ADAMTS18: variants seen among roughly 807,000 people sequenced by gnomAD.
ADAMTS18 encodes the protein ADAM metallopeptidase with thrombospondin type 1 motif 18, also known as A disintegrin and metalloproteinase with thrombospondin motifs 18.
In ADAMTS18, 157 loss-of-function variants were observed where a neutral mutation model predicts 165.9. The ratio of observed to expected loss-of-function variants is 0.95; its 90% CI spans 0.83 to 1.08. The LOEUF is 1.08. Ranked by LOEUF, ADAMTS18 falls within the 50% of genes least tolerant of loss-of-function variation. The pLI is 0.00. For synonymous variants in ADAMTS18, 782 were observed against 578.2 expected (o/e 1.35, Z -5.06); for missense variants, 2,040 against 1,534.0 (o/e 1.33, Z -5.51).
At chr16:77,355,024 T>A (rs2056607498) in intron 9 of ADAMTS18, among the ~76,000 whole-genome samples, 1 of 152,192 alleles carries the variant, frequency 6.6e-6, no homozygotes, top group Non-Finnish European at 1.5e-5. Context: ...TTTAATATGC[T>A]TTGTGTATAG....
intron 22 of ADAMTS18, among the ~76,000 whole-genome samples, chr16:77,288,848 G>T (rs918004259): frequency 2.0e-4 from 31 of 152,282 alleles, no homozygotes; most frequent in Non-Finnish European, 4.6e-4. Flanking sequence ...CATGTGGCTT[G>T]TGACAGTAAA....
intron 16 of ADAMTS18, among the ~76,000 whole-genome samples, chr16:77,319,275 A>C (rs1225624966): frequency 6.6e-6 from 1 of 152,156 alleles, no homozygotes; most frequent in Non-Finnish European, 1.5e-5. Context: ...TTCTTGCTAC[A>C]TTCTTTGGCG....
intron 20 of ADAMTS18, 86 bp from the exon 21 acceptor site, chr16:77,291,564 A>C (rs2055365636): frequency 1.5e-6 from 2 of 1,327,862 alleles, no homozygotes; most frequent in Non-Finnish European, 2.2e-6. Context: ...AGGTTGCACC[A>C]TCCACATGAA....
intron 2 of ADAMTS18, among the ~76,000 whole-genome samples, chr16:77,431,912 T>G (rs72801697): frequency 6.6e-6 from 1 of 152,142 alleles, no homozygotes; most frequent in Non-Finnish European, 1.5e-5. Flanking sequence ...GAACATTCTT[T>G]TGATGTTTAA....
At chr16:77,384,886 C>G (rs1051556524) in intron 3 of ADAMTS18, among the ~76,000 whole-genome samples, 3 of 151,354 alleles carry the variant, frequency 2.0e-5, no homozygotes, top group Admixed American at 1.3e-4. Flanking sequence ...TCTAACCTCC[C>G]CATAACAAAT....
chr16:77,303,705 T>C (rs2055629195), intron 16 of ADAMTS18, among the ~76,000 whole-genome samples: 1 of 152,052 alleles, frequency 6.6e-6, no homozygotes, highest in African/African-American at 2.4e-5. Flanking sequence ...GATTCATATA[T>C]TAAAAAAACA....
At chr16:77,329,753 C>A (rs1017280066) in intron 12 of ADAMTS18, among the ~76,000 whole-genome samples, 71 of 152,172 alleles carry the variant, frequency 4.7e-4, no homozygotes, top group African/African-American at 1.7e-3. Context: ...TATTTTTCTG[C>A]AGCTTTGAAC....
At chr16:77,348,943 G>C (rs923607593) in intron 10 of ADAMTS18, among the ~76,000 whole-genome samples, 16 of 152,110 alleles carry the variant, frequency 1.1e-4, no homozygotes, top group African/African-American at 3.9e-4. Flanking sequence ...ATATACAAAG[G>C]CTTGTAGACA....
intron 3 of ADAMTS18, among the ~76,000 whole-genome samples, chr16:77,421,321 C>T (rs553725596): frequency 2.9e-4 from 44 of 152,284 alleles, no homozygotes; most frequent in Non-Finnish European, 5.9e-4. Context: ...GATAGAAAAC[C>T]GTGGGAACGG....
At chr16:77,398,607 C>T (rs2057288941) in intron 3 of ADAMTS18, among the ~76,000 whole-genome samples, 2 of 152,144 alleles carry the variant, frequency 1.3e-5, no homozygotes, top group Non-Finnish European at 2.9e-5. Flanking sequence ...GCACTGTTGA[C>T]ATTTTGGGTC....
In ADAMTS18 at chr16:77,283,321, A is replaced by T. The variant is rs1364178129; in HGVS notation, c.*635T>A. On this transcript the variant is annotated 3_prime_UTR_variant, in exon 23 of 23. Coordinates refer to ENST00000282849, the MANE Select transcript of ADAMTS18 (RefSeq NM_199355.4). Reference sequence around the variant, plus strand: ...ATAATATTCCTTGGAATACTTTTCAAGTTGTCAATTTTAGTCTCAGAGACT... The same window carrying T: ...ATAATATTCCTTGGAATACTTTTCATGTTGTCAATTTTAGTCTCAGAGACT... 1 of 152,838 alleles carries T rather than the reference A, an allele frequency of 6.5e-6. No homozygotes were observed. Among genetic ancestry groups the T allele is most frequent in the Admixed American group, 6.5e-5 (1 of 15,284 alleles). 9.5% of individuals were successfully genotyped at this position (152,838 alleles called of 1,614,324 possible).
intron 8 of ADAMTS18, among the ~76,000 whole-genome samples, chr16:77,356,428 T>C (rs1486720461): frequency 6.6e-6 from 1 of 152,160 alleles, no homozygotes; most frequent in African/African-American, 2.4e-5. Flanking sequence ...GTAGAATTCT[T>C]ATCTTGTCAC....
chr16:77,365,445 A>G (rs572425040), intron 4 of ADAMTS18, among the ~76,000 whole-genome samples: 1 of 152,388 alleles, frequency 6.6e-6, no homozygotes, highest in Admixed American at 6.5e-5. Flanking sequence ...TTAACATAGC[A>G]CATAAGAAGC....
At chr16:77,329,482 A>G (rs1310967012) in intron 12 of ADAMTS18, among the ~76,000 whole-genome samples, 2 of 152,160 alleles carry the variant, frequency 1.3e-5, no homozygotes, top group Non-Finnish European at 2.9e-5. Flanking sequence ...CTCATTTGCA[A>G]AATAGGAACA....
chr16:77,423,697 C>G (rs1176182144), intron 3 of ADAMTS18, among the ~76,000 whole-genome samples: 1 of 152,124 alleles, frequency 6.6e-6, no homozygotes, highest in African/African-American at 2.4e-5. Flanking sequence ...TGATGCAAAT[C>G]ATTATCTATC....
chr16:77,335,909 G>C lies in ADAMTS18; in HGVS notation c.1711-5C>G. ...GCACTGGCCTTGCCGACACCACTGT[G>C]AAAAGAACGTGTAAGATGGTTCCCG... On this transcript the variant is annotated splice_region_variant and splice_polypyrimidine_tract_variant and intron_variant, in intron 11 of 22. Coordinates refer to ENST00000282849, the MANE Select transcript of ADAMTS18 (RefSeq NM_199355.4). 1 of 1,614,172 alleles carries C rather than the reference G, an allele frequency of 6.2e-7. No homozygotes were observed. Among genetic ancestry groups the C allele is most frequent in the South Asian group, 1.1e-5 (1 of 91,084 alleles).
At chr16:77,353,096 C>A (rs745955823) in intron 10 of ADAMTS18, among the ~76,000 whole-genome samples, 1 of 128,126 alleles carries the variant, frequency 7.8e-6, no homozygotes. Flanking sequence ...ACAACAACGA[C>A]AACAACAACA....
chr16:77,305,421 A>G (rs1409683564), intron 16 of ADAMTS18, among the ~76,000 whole-genome samples: 1 of 152,200 alleles, frequency 6.6e-6, no homozygotes, highest in Non-Finnish European at 1.5e-5. Context: ...TAATTTCTAA[A>G]GCCCAGTGCA....
At chr16:77,395,272 T>A (rs1432638166) in intron 3 of ADAMTS18, among the ~76,000 whole-genome samples, 1 of 152,118 alleles carries the variant, frequency 6.6e-6, no homozygotes, top group African/African-American at 2.4e-5. Context: ...AGGCCAAAGT[T>A]CTCTGGAAAA....
Sources: gnomAD v4.1 joint callset for allele counts (sites outside exome capture counted in the v4.1 genomes callset) on GRCh38, gnomAD v4.1.1 for gene constraint, MANE v1.5 for transcripts, NCBI Gene and HGNC (gene_info 2026-07-23, HGNC 2026-07-21) for gene names.